Variants in NOTCH4 observed in about 807,000 individuals in gnomAD.
NOTCH4 encodes neurogenic locus notch homolog protein 4.
In NOTCH4, 138 loss-of-function variants were observed where a neutral mutation model predicts 189.0. The ratio of observed to expected loss-of-function variants is 0.73; its 90% CI spans 0.64 to 0.84. The LOEUF is 0.84. Ranked by LOEUF, NOTCH4 falls within the 40% of genes least tolerant of loss-of-function variation. NOTCH4 has a pLI of 0.00. For missense variants in NOTCH4, 2,286 were observed against 2,605.4 expected (o/e 0.88, Z 2.67); for synonymous variants, 942 against 1,032.8 (o/e 0.91, Z 1.69).
At chr6:32,196,559 A>G in intron 28 of NOTCH4, 138 bp from the exon 29 acceptor site, 1 of 1,091,628 alleles carries the variant, frequency 9.2e-7, no homozygotes, top group Non-Finnish European at 1.3e-6. Context: ...TGCCCAGGAG[A>G]CCACCGGCCT....
rs1329152449 is a variant in NOTCH4, at chr6:32,223,994, C to T, written c.-66G>A. On this transcript the variant is annotated 5_prime_UTR_variant, in exon 1 of 30. It adds an upstream start codon to the 5' untranslated region. Transcript: ENST00000375023. ...CAGGCAGGGACCCTCAGAGCTCTCA[C>T]TGGGGCAGGAGCCACCTCCTCTGCT... 5.3e-6 allele frequency: 8 copies of T among 1,500,182 alleles called. No individual in the cohort carries two copies. In the African/African-American group the frequency reaches 1.1e-4, roughly 21 times the overall value. 92.9% of individuals were successfully genotyped at this position (1,500,182 alleles called of 1,614,324 possible). A position where few individuals can be genotyped will look rare whatever the true frequency, so the allele number is the denominator to read the frequency against.
At chr6:32,211,151 T>C (rs1788991398) in intron 17 of NOTCH4, among the ~76,000 whole-genome samples, 1 of 151,994 alleles carries the variant, frequency 6.6e-6, no homozygotes, top group African/African-American at 2.4e-5. Context: ...TCCCAGCTAC[T>C]TGGGAGGCTG....
Position 32,213,812 on chromosome 6 carries a change from A to G in NOTCH4, c.2196T>C (p.Ala732=), listed in dbSNP as rs765206166. The G allele has an allele frequency of 1.9e-6, 3 of 1,611,854 alleles. No individual in the cohort carries two copies. In the East Asian group the frequency reaches 6.7e-5, roughly 36 times the overall value. The change falls in exon 14 of 30, where the codon GCT becomes GCC. Residue 732 remains alanine (A), a synonymous_variant. Coordinates refer to ENST00000375023, the MANE Select transcript of NOTCH4 (RefSeq NM_004557.4). ...TGPTCSEEMT[A]CHSGPCLNGG... is the part of the protein sequence containing the mutation. ...CATTGAGACATGGCCCTGAGTGACA[A>G]GCTGTCATCTCCTCACTACAGGTGG...
At chr6:32,211,087 C>T (rs1788987511) in intron 17 of NOTCH4, 151 bp from the exon 18 acceptor site, 4 of 691,236 alleles carry the variant, frequency 5.8e-6, no homozygotes, top group Non-Finnish European at 9.0e-6. Context: ...GGGGAAACCC[C>T]GTCTCTACTA....
chr6:32,218,747 T>A (rs1015722348), intron 8 of NOTCH4, among the ~76,000 whole-genome samples: 2 of 152,336 alleles, frequency 1.3e-5, no homozygotes, highest in South Asian at 4.1e-4. Flanking sequence ...TTCTCTATGA[T>A]TGTCTGTTGG....
chr6:32,220,011 C>A (rs962485481), intron 7 of NOTCH4, 118 bp downstream of exon 7: 13 of 1,276,338 alleles, frequency 1.0e-5, no homozygotes, highest in African/African-American at 3.0e-5. Context: ...CAAATCTGGG[C>A]AAATTCAAGG....
At position 32,214,204 on chromosome 6, in the gene NOTCH4, C is replaced by T; in HGVS notation, c.2073G>A (p.Glu691=). The T allele has an allele frequency of 6.2e-7, 1 of 1,613,708 alleles. No individual in the cohort carries two copies. The change falls in exon 13 of 30, where the codon GAG becomes GAA. Residue 691 remains glutamate, a synonymous_variant. Transcript: ENST00000375023. The stretch of plus-strand genomic sequence containing the variant: ...AGGGTGCAGAGATGCAGCCCCCTAG[C>T]TCTGCCTCACACTCTGGCCCCGTCC... The part of the protein sequence containing the change: ...VGWTGPECEA[E]LGGCISAPCA...
Position 32,202,709 on chromosome 6 carries a change from C to G in NOTCH4, c.3232-110G>C, listed in dbSNP as rs2127467970. On this transcript the variant is annotated intron_variant, in intron 20 of 29. Transcript: ENST00000375023. The surrounding 1 kb of genome is among the most constrained non-coding windows in gnomAD (Gnocchi z 5.7). ...TGCAGAGGGTCCTAGATTCTCATAT[C>G]TAAAAGGCGCCTCAGAGAGCATCAA... The G allele has an allele frequency of 2.0e-6, 2 of 1,002,364 alleles. No homozygotes were observed. The highest frequency in any genetic ancestry group is 2.6e-5 in the East Asian group (1 of 37,914). The allele number at this position is 1,002,364 out of a possible 1,614,324, so 62.1% of individuals were successfully genotyped here. A position where few individuals can be genotyped will look rare whatever the true frequency, so the allele number is the denominator to read the frequency against.
chr6:32,200,941 G>A lies in NOTCH4; in HGVS notation c.4205C>T (p.Pro1402Leu). The A allele has an allele frequency of 6.2e-7, 1 of 1,606,850 alleles. No individual in the cohort carries two copies. Among genetic ancestry groups the A allele is most frequent in the Non-Finnish European group, 8.5e-7 (1 of 1,176,942 alleles). Reference protein sequence around the residue: ...CGPDHPASRCPWDPGLLLRFL... With the variant: ...CGPDHPASRCLWDPGLLLRFL... ...GCGGAGTAGAAGCCCAGGGTCCCAG[G>A]GACAGCGGGATGCCGGGTGGTCAGG... The change falls in exon 23 of 30, where the codon CCC becomes CTC. Residue 1402 changes from proline (P) to leucine (L), a missense_variant. By Grantham distance (98) the Pro-to-Leu change is moderately conservative. Around this residue, in one of 2 missense-constraint regions of NOTCH4, gnomAD observed 1,903 missense variants for 2,261.9 expected, o/e 0.84. Coordinates refer to ENST00000375023, the MANE Select transcript of NOTCH4 (RefSeq NM_004557.4). The surrounding 1 kb of genome is among the most constrained non-coding windows in gnomAD (Gnocchi z 5.0).
rs1208368659 is a variant in NOTCH4, at chr6:32,219,683, C to A, written c.1419G>T (p.Glu473Asp). 6.2e-7 allele frequency: 1 copy of A among 1,612,986 alleles called. No homozygotes were observed. Among genetic ancestry groups the A allele is most frequent in the East Asian group, 2.2e-5 (1 of 44,884 alleles). ...CPPGYTGSRC[E>D]ADHNECLSQP... ...GGGAGAGGCACTCATTGTGATCAGC[C>A]TCACAACGGGAGCCTGTGTAGCCAG... Residue 473 changes from glutamate to aspartate, a missense_variant, in exon 8 of 30, where the codon GAG becomes GAT. Physicochemically the swap from Glu to Asp is conservative, Grantham distance 45 (BLOSUM62 2). Transcript: ENST00000375023.
At position 32,220,806 on chromosome 6, in the gene NOTCH4, C is replaced by A. The variant is rs781717654; in HGVS notation, c.872G>T (p.Cys291Phe). 1 of 1,614,096 alleles carries A rather than the reference C, an allele frequency of 6.2e-7. No individual in the cohort carries two copies. The highest frequency in any genetic ancestry group is 1.1e-5 in the South Asian group (1 of 91,072). The change falls in exon 5 of 30, where the codon TGC (cysteine) becomes TTC (phenylalanine). Residue 291 changes from cysteine to phenylalanine, a missense_variant. Physicochemically the swap from Cys to Phe is radical, Grantham distance 205. Transcript: ENST00000375023. Reference sequence around the variant, plus strand: ...GGTGTAGGTGTCCAGCCCATCCTGGCAAGTGCCCCCATTCTGACACTGGTG... The same window carrying A: ...GGTGTAGGTGTCCAGCCCATCCTGGAAAGTGCCCCCATTCTGACACTGGTG... ...VSHQCQNGGT[C>F]QDGLDTYTCL...
At chr6:32,204,468 C>T (rs1004729529) in intron 18 of NOTCH4, 79 bp from the exon 19 acceptor site, 66 of 1,505,162 alleles carry the variant, frequency 4.4e-5, no homozygotes, top group South Asian at 3.7e-4. Flanking sequence ...TCAAGATAGT[C>T]TGTCCAGTCC....
intron 18 of NOTCH4, among the ~76,000 whole-genome samples, chr6:32,209,963 CAAAAG>C (rs1490932072): frequency 6.6e-6 from 1 of 151,712 alleles, no homozygotes; most frequent in Non-Finnish European, 1.5e-5. Context: ...TTGTCAATAA[CAAAAG>C]AAAATAAAAT....
At chr6:32,196,636 C>T (rs1193485294) in intron 28 of NOTCH4, among the ~76,000 whole-genome samples, 1 of 152,072 alleles carries the variant, frequency 6.6e-6, no homozygotes, top group African/African-American at 2.4e-5. Context: ...GTTCTGGGGT[C>T]GGTGAGACCG....
At chr6:32,214,492 T>C (rs1401787246) in intron 12 of NOTCH4, among the ~76,000 whole-genome samples, 3 of 126,670 alleles carry the variant, frequency 2.4e-5, no homozygotes, top group Admixed American at 7.8e-5. Flanking sequence ...TATACACACA[T>C]ATATATTCTT....
chr6:32,197,564 C>G lies in NOTCH4; in HGVS notation c.4787G>C (p.Cys1596Ser), dbSNP rs1210060400. 1 of 1,612,620 alleles carries G rather than the reference C, an allele frequency of 6.2e-7. No homozygotes were observed. The highest frequency in any genetic ancestry group is 1.1e-5 in the South Asian group (1 of 90,862). ...GGTCCCGGACTGTACTTCCCCACAG[C>G]AAACTGCTGACATCAGGGGTGTCAC... ...DGVTPLMSAV[C>S]CGEVQSGTFQ... Residue 1596 changes from cysteine (C) to serine (S), a missense_variant, in exon 27 of 30, where the codon TGC becomes TCC. Cys to Ser is a moderately radical substitution (Grantham distance 112). Around this residue, in one of 2 missense-constraint regions of NOTCH4, gnomAD observed 1,903 missense variants for 2,261.9 expected, o/e 0.84. Coordinates refer to ENST00000375023, the MANE Select transcript of NOTCH4 (RefSeq NM_004557.4).
chr6:32,198,539 G>A lies in NOTCH4; in HGVS notation c.4638C>T (p.Pro1546=). 3 of 1,612,978 alleles carry A rather than the reference G, an allele frequency of 1.9e-6. No individual in the cohort carries two copies. The highest frequency in any genetic ancestry group is 2.5e-6 in the Non-Finnish European group (3 of 1,179,994). ...EVGQAEETGP[P]STCQLWSLSG... ...TCAGAGACCAGAGCTGGCACGTGGA[G>A]GGTGGGCCTGTTTCTTCAGCCTTTG... The change falls in exon 26 of 30, where the codon CCC becomes CCT. Residue 1546 remains proline (P), a synonymous_variant. Transcript: ENST00000375023. This position sits in a 1 kb window ranked among gnomAD's most constrained non-coding sequence, Gnocchi z 5.5.
Position 32,196,946 on chromosome 6 carries a change from C to A in NOTCH4, c.5179G>T (p.Val1727Leu). 1 of 1,613,008 alleles carries A rather than the reference C, an allele frequency of 6.2e-7. No homozygotes were observed. Among genetic ancestry groups the A allele is most frequent in the Non-Finnish European group, 8.5e-7 (1 of 1,180,024 alleles). The change falls in exon 28 of 30, where the codon GTG (valine) becomes TTG (leucine). Residue 1727 changes from valine (V) to leucine (L), a missense_variant. Coordinates refer to ENST00000375023, the MANE Select transcript of NOTCH4 (RefSeq NM_004557.4). ...VEELIAAQAD[V>L]GARDKWGKTA... ...ATACCCCATTTATCTCTGGCCCCCA[C>A]GTCTGCTTGGGCTGCAATCAGTTCT...
chr6:32,198,366 C>T lies in NOTCH4; in HGVS notation c.4756+55G>A, dbSNP rs1788089643. The T allele has an allele frequency of 6.5e-7, 1 of 1,547,498 alleles. No homozygotes were observed. The highest frequency in any genetic ancestry group is 1.2e-5 in the South Asian group (1 of 82,892). ...TCTGATATTAAAGGACTCTCTGATT[C>T]TAATAGGGTCAAAGGACTTTTTTTT... On this transcript the variant is annotated intron_variant, in intron 26 of 29. Transcript: ENST00000375023. The surrounding 1 kb of genome is among the most constrained non-coding windows in gnomAD (Gnocchi z 5.5).
Sources: gnomAD v4.1 joint callset for allele counts (sites outside exome capture counted in the v4.1 genomes callset) on GRCh38, gnomAD v4.1.1 for gene constraint, gnomAD v4.1.1 regional missense constraint, Gnocchi (gnomAD v3.1) non-coding constraint, MANE v1.5 for transcripts, NCBI Gene and HGNC (gene_info 2026-07-23, HGNC 2026-07-21) for gene names.